The following ROBO1 variants were observed in gnomAD, a reference collection of about 807,000 sequenced individuals.
ROBO1 encodes the protein roundabout homolog 1.
ROBO1 carries 149 observed loss-of-function variants against 195.9 expected under a neutral mutation model. The observed-to-expected ratio is 0.76, with a 90% confidence interval of 0.67 to 0.87. The LOEUF (loss-of-function observed/expected upper bound fraction) is 0.87, where lower values mean the gene tolerates loss of function less well. Among genes scored for constraint, ROBO1 ranks in the 40% least tolerant of loss-of-function variants. The pLI is 0.00. For synonymous variants in ROBO1, 816 were observed against 733.2 expected (o/e 1.11, Z -1.82); for missense variants, 1,933 against 2,068.3 (o/e 0.93, Z 1.27).
chr3:79,754,851 C>T (rs1315021411), intron 1 of ROBO1, among the ~76,000 whole-genome samples: 1 of 152,090 alleles, frequency 6.6e-6, no homozygotes, highest in Non-Finnish European at 1.5e-5. Flanking sequence ...GCTCTAATTA[C>T]CTGATACCAC....
intron 2 of ROBO1, among the ~76,000 whole-genome samples, chr3:79,355,202 G>A (rs925883948): frequency 6.6e-6 from 1 of 151,692 alleles, no homozygotes; most frequent in Non-Finnish European, 1.5e-5. Flanking sequence ...AAAAAACCAT[G>A]CAAATGAATG....
chr3:79,477,962 G>T (rs1039418802), intron 2 of ROBO1, among the ~76,000 whole-genome samples: 2 of 152,102 alleles, frequency 1.3e-5, no homozygotes, highest in Non-Finnish European at 1.5e-5. Context: ...ATCTATATGT[G>T]ACTGTACCTT....
chr3:78,920,624 G>GTTTTTTTTT lies in ROBO1; in HGVS notation c.499+17968_499+17976dup, dbSNP rs34364869. Among the ~76,000 whole-genome samples the GTTTTTTTTT allele has an allele frequency of 4.9e-4, 30 of 60,948 alleles. 4 individuals carry two copies. Among genetic ancestry groups the GTTTTTTTTT allele is most frequent in the African/African-American group, 2.2e-3 (30 of 13,480 alleles). The allele number at this position is 60,948 out of a possible 152,430, so 40.0% of individuals were successfully genotyped here. A position where few individuals can be genotyped will look rare whatever the true frequency, so the allele number is the denominator to read the frequency against. On this transcript the variant is annotated intron_variant, in intron 4 of 30. Coordinates refer to ENST00000464233, the MANE Select transcript of ROBO1 (RefSeq NM_002941.4). The stretch of plus-strand genomic sequence containing the variant: ...CCAGCCTTTCTTTTTCTTTCTTTCA[G>GTTTTTTTTT]TTTTTTTTTTTTTTTTTTTTTTTTT...
At chr3:78,782,926 TA>T (rs1319511853) in intron 4 of ROBO1, among the ~76,000 whole-genome samples, 1 of 152,172 alleles carries the variant, frequency 6.6e-6, no homozygotes, top group African/African-American at 2.4e-5. Context: ...GCCTGTTGAA[TA>T]AACTCATTCA....
At chr3:79,548,706 A>T (rs1942365315) in intron 2 of ROBO1, among the ~76,000 whole-genome samples, 1 of 152,176 alleles carries the variant, frequency 6.6e-6, no homozygotes, top group African/African-American at 2.4e-5. Flanking sequence ...TCAACATTAG[A>T]TTGTGTGAAA....
intron 4 of ROBO1, among the ~76,000 whole-genome samples, chr3:78,849,607 A>G (rs1163813252): frequency 1.3e-5 from 2 of 151,574 alleles, no homozygotes; most frequent in South Asian, 4.1e-4. Flanking sequence ...TCATTTAAAA[A>G]TAAGTTTTAT....
intron 2 of ROBO1, among the ~76,000 whole-genome samples, chr3:79,285,801 C>G (rs1449861092): frequency 6.6e-6 from 1 of 152,026 alleles, no homozygotes; most frequent in Non-Finnish European, 1.5e-5. Context: ...TATATTGAAT[C>G]TTTGAGACAA....
intron 1 of ROBO1, among the ~76,000 whole-genome samples, chr3:79,662,421 G>T (rs1213709582): frequency 6.6e-6 from 1 of 151,954 alleles, no homozygotes; most frequent in East Asian, 1.9e-4. Flanking sequence ...TTCTTTGACT[G>T]TAAAAATTTT....
At chr3:79,501,549 A>G (rs1575925248) in intron 2 of ROBO1, among the ~76,000 whole-genome samples, 1 of 152,354 alleles carries the variant, frequency 6.6e-6, no homozygotes, top group East Asian at 1.9e-4. Flanking sequence ...AGCTCTGCAG[A>G]TCAAACTGAG....
At chr3:79,119,243 T>A (rs543415786) in intron 3 of ROBO1, among the ~76,000 whole-genome samples, 1 of 152,296 alleles carries the variant, frequency 6.6e-6, no homozygotes, top group African/African-American at 2.4e-5. Context: ...CAGACTCCAA[T>A]TATTGTTAGA....
intron 2 of ROBO1, among the ~76,000 whole-genome samples, chr3:79,518,939 C>T (rs1941075587): frequency 6.6e-6 from 1 of 151,972 alleles, no homozygotes. Context: ...CTCAGCCTCC[C>T]AAAGTCCTGG....
rs146275689 is a variant in ROBO1 at position 78,952,654 on chromosome 3, T to C, written c.173-13727A>G. ...AGTTACACACATTTCCAAATACTCATGCTTACTGTTGAAATAAGAAGCATA... is the reference window on the plus strand; with the variant it reads ...AGTTACACACATTTCCAAATACTCACGCTTACTGTTGAAATAAGAAGCATA... On this transcript the variant is annotated intron_variant, in intron 3 of 30. Coordinates refer to ENST00000464233, the MANE Select transcript of ROBO1 (RefSeq NM_002941.4). 1.4e-3 allele frequency among the ~76,000 whole-genome samples: 215 copies of C among 152,080 alleles called. 2 individuals are homozygous for C. In the East Asian group the frequency reaches 0.032, roughly 23 times the overall value.
chr3:79,172,845 T>A (rs908710059), intron 2 of ROBO1, among the ~76,000 whole-genome samples: 4 of 152,198 alleles, frequency 2.6e-5, no homozygotes, highest in African/African-American at 9.6e-5. Flanking sequence ...TTATCTGTGA[T>A]CAAGGAATTT....
At chr3:79,138,906 A>G (rs2108606815) in intron 2 of ROBO1, among the ~76,000 whole-genome samples, 1 of 152,008 alleles carries the variant, frequency 6.6e-6, no homozygotes, top group African/African-American at 2.4e-5. Context: ...TGCTCTTGAA[A>G]TTAAAGTGAT....
intron 4 of ROBO1, among the ~76,000 whole-genome samples, chr3:78,849,370 C>A (rs559806754): frequency 6.6e-6 from 1 of 152,174 alleles, no homozygotes; most frequent in East Asian, 1.9e-4. Flanking sequence ...ATTTATCTCT[C>A]ATTTCATTAT....
At chr3:78,634,209 CT>C (rs1705351216) in intron 23 of ROBO1, among the ~76,000 whole-genome samples, 167 bp from the exon 24 acceptor site, 1 of 151,572 alleles carries the variant, frequency 6.6e-6, no homozygotes, top group Non-Finnish European at 1.5e-5. Context: ...TATAAAAAGG[CT>C]TATACTCCAA....
At chr3:78,757,423 A>G (rs892309589) in intron 4 of ROBO1, among the ~76,000 whole-genome samples, 1 of 100,918 alleles carries the variant, frequency 9.9e-6, no homozygotes, top group African/African-American at 3.2e-5. Flanking sequence ...AAACAAAGGC[A>G]TGCGCACATG....
At chr3:79,089,673 A>G (rs1307132770) in intron 3 of ROBO1, among the ~76,000 whole-genome samples, 4 of 152,200 alleles carry the variant, frequency 2.6e-5, no homozygotes, top group Non-Finnish European at 4.4e-5. Flanking sequence ...ATTCTCAGGA[A>G]GATTACATAC....
intron 4 of ROBO1, among the ~76,000 whole-genome samples, chr3:78,929,536 T>C (rs2039397181): frequency 6.6e-6 from 1 of 151,628 alleles, no homozygotes; most frequent in South Asian, 2.1e-4. Flanking sequence ...GGAGTCTCGC[T>C]CTATTGCCCA....
Sources: allele counts gnomAD v4.1 joint callset (sites outside exome capture counted in the v4.1 genomes callset), GRCh38; gene constraint gnomAD v4.1.1; transcripts MANE v1.5; gene names NCBI Gene and HGNC (gene_info 2026-07-23, HGNC 2026-07-21).